The following RAPGEF4 variants were observed in gnomAD, a reference collection of about 807,000 sequenced individuals.
RAPGEF4 encodes the protein Rap guanine nucleotide exchange factor 4.
A neutral mutation model predicts 147.9 loss-of-function variants in RAPGEF4; 66 were observed. The ratio of observed to expected loss-of-function variants is 0.45; its 90% CI spans 0.37 to 0.55. The LOEUF (loss-of-function observed/expected upper bound fraction) is 0.55. RAPGEF4 is among the 20% of genes least tolerant of loss of function. The pLI is 0.00. For missense variants in RAPGEF4, 1,071 were observed against 1,257.3 expected, an observed-to-expected ratio of 0.85 and a Z score of 2.24; for synonymous variants, 419 against 442.7, an observed-to-expected ratio of 0.95 and a Z score of 0.67.
intron 4 of RAPGEF4, among the ~76,000 whole-genome samples, chr2:172,836,274 C>A (rs982983365): frequency 5.9e-5 from 9 of 152,218 alleles, no homozygotes; most frequent in Admixed American, 3.3e-4. Flanking sequence ...ACACCCTCTT[C>A]TGCCTCCACA....
intron 6 of RAPGEF4, among the ~76,000 whole-genome samples, chr2:172,958,087 T>C (rs112024801): frequency 1.3e-3 from 195 of 152,320 alleles, no homozygotes; most frequent in Non-Finnish European, 2.1e-3. Context: ...TCCAGAAGCA[T>C]GGGCATCTTC....
chr2:173,036,327 C>A, intron 28 of RAPGEF4, 115 bp downstream of exon 28: 1 of 854,144 alleles, frequency 1.2e-6, no homozygotes, highest in Non-Finnish European at 1.9e-6. Flanking sequence ...CATCCTTCTG[C>A]CTTCTTTGTC....
rs746535991 is a variant in RAPGEF4, at chr2:173,014,496, A to G, written c.1691A>G (p.Gln564Arg). Residue 564 changes from glutamine to arginine, a missense_variant, in exon 18 of 31, where the codon CAG (glutamine) becomes CGG (arginine). By Grantham distance (43) the Gln-to-Arg change is conservative. Transcript: ENST00000397081. ...GCACAGCCTTCACAAGGTACAGAAC[A>G]GGAGAAAATGGATTATGCCCTCAAC... Reference protein sequence around the residue: ...YHAQPSQGTEQEKMDYALNNK... With the variant: ...YHAQPSQGTEREKMDYALNNK... The G allele has an allele frequency of 2.2e-5, 35 of 1,614,014 alleles. No homozygotes were observed. Among genetic ancestry groups the G allele is most frequent in the Admixed American group, 3.3e-5 (2 of 60,012 alleles).
chr2:172,886,421 G>A (rs1456794019), intron 4 of RAPGEF4, among the ~76,000 whole-genome samples: 1 of 152,192 alleles, frequency 6.6e-6, no homozygotes, highest in Middle Eastern at 3.2e-3. Flanking sequence ...TGTGAACTCT[G>A]AAAGAAGAGT....
At chr2:172,910,817 G>A (rs1700018395) in intron 4 of RAPGEF4, among the ~76,000 whole-genome samples, 1 of 152,180 alleles carries the variant, frequency 6.6e-6, no homozygotes, top group African/African-American at 2.4e-5. Flanking sequence ...GAAGCTGCAA[G>A]GCTTCTTCTG....
At chr2:172,761,120 T>C in intron 1 of RAPGEF4, among the ~76,000 whole-genome samples, 1 of 150,876 alleles carries the variant, frequency 6.6e-6, no homozygotes, top group East Asian at 1.9e-4. Flanking sequence ...TTTTTTTAAT[T>C]TTTTTTTCTT....
Position 172,965,586 on chromosome 2 carries a change from G to T in RAPGEF4, c.723G>T (p.Leu241=), listed in dbSNP as rs1485389006. 6.2e-6 allele frequency: 10 copies of T among 1,613,758 alleles called. No individual in the cohort carries two copies. The highest frequency in any genetic ancestry group is 7.6e-6 in the Non-Finnish European group (9 of 1,179,682). The change falls in exon 9 of 31, where the codon CTG becomes CTT. Residue 241 remains leucine, a synonymous_variant. Transcript: ENST00000397081. The part of the protein sequence containing the change: ...TYRQCCVGTE[L]VDWMMQQTPC... ...GACAATGCTGTGTGGGAACTGAACT[G>T]GTGGACTGGATGATGCAGCAGACAC...
At chr2:172,985,642 T>C in intron 12 of RAPGEF4, 149 bp downstream of exon 12, 1 of 1,420,972 alleles carries the variant, frequency 7.0e-7, no homozygotes, top group Non-Finnish European at 9.4e-7. Context: ...TTCGTTTTTC[T>C]GGACCTGTGA....
At chr2:172,970,450 A>G (rs1042725754) in intron 10 of RAPGEF4, among the ~76,000 whole-genome samples, 3 of 152,200 alleles carry the variant, frequency 2.0e-5, no homozygotes, top group Admixed American at 6.5e-5. Flanking sequence ...CCCAACTTTT[A>G]AACTCAGCAC....
At chr2:172,786,781 C>G (rs1328148723) in intron 1 of RAPGEF4, among the ~76,000 whole-genome samples, 2 of 152,098 alleles carry the variant, frequency 1.3e-5, no homozygotes, top group African/African-American at 2.4e-5. Flanking sequence ...GAGTCTGATG[C>G]AGGAGGATTG....
intron 6 of RAPGEF4, chr2:172,928,395 A>C: frequency 2.9e-6 from 1 of 344,150 alleles, no homozygotes; most frequent in Non-Finnish European, 5.7e-6. Flanking sequence ...CATCCATCTA[A>C]ATGGTAAATA....
At chr2:172,746,999 G>T (rs551755865) in intron 1 of RAPGEF4, among the ~76,000 whole-genome samples, 1 of 152,278 alleles carries the variant, frequency 6.6e-6, no homozygotes, top group Non-Finnish European at 1.5e-5. Context: ...CCTTAGAAAA[G>T]ACTTAATAGT....
At chr2:172,889,988 A>G (rs1197693538) in intron 4 of RAPGEF4, 13 of 264,358 alleles carry the variant, frequency 4.9e-5, no homozygotes, top group East Asian at 1.8e-4. Context: ...GCATGCTTCA[A>G]TATTTTACAG....
At chr2:173,019,215 T>C (rs369176184) in intron 22 of RAPGEF4, among the ~76,000 whole-genome samples, 11 of 152,324 alleles carry the variant, frequency 7.2e-5, no homozygotes, top group African/African-American at 2.6e-4. Flanking sequence ...AAGCTGATGA[T>C]GGTTTTTCTC....
At chr2:172,988,144 T>C in intron 12 of RAPGEF4, 52 bp from the exon 13 acceptor site, 1 of 1,548,042 alleles carries the variant, frequency 6.5e-7, no homozygotes, top group South Asian at 1.3e-5. Context: ...CTGTAATTTA[T>C]ATTGATGTGC....
intron 15 of RAPGEF4, among the ~76,000 whole-genome samples, chr2:172,992,948 G>A (rs1371796420): frequency 6.6e-6 from 1 of 152,136 alleles, no homozygotes; most frequent in Non-Finnish European, 1.5e-5. Context: ...ATATGGGGCT[G>A]ATATTCCGGA....
chr2:172,943,132 G>A (rs1370420622), intron 6 of RAPGEF4, among the ~76,000 whole-genome samples: 5 of 152,094 alleles, frequency 3.3e-5, no homozygotes, highest in East Asian at 1.9e-4. Flanking sequence ...AAACAAAAGC[G>A]TTTGGCATAT....
intron 17 of RAPGEF4, among the ~76,000 whole-genome samples, chr2:173,009,522 A>G (rs924563800): frequency 2.0e-5 from 3 of 152,192 alleles, no homozygotes. Flanking sequence ...AAAATCCAAA[A>G]TGCTCCAAAA....
chr2:173,032,017 C>T (rs1013227881), intron 26 of RAPGEF4, among the ~76,000 whole-genome samples: 3 of 151,918 alleles, frequency 2.0e-5, no homozygotes, highest in Admixed American at 6.6e-5. Context: ...CTAGGGGACA[C>T]GTGTGGAACA....
Sources: allele counts gnomAD v4.1 joint callset (sites outside exome capture counted in the v4.1 genomes callset), GRCh38; gene constraint gnomAD v4.1.1; transcripts MANE v1.5; gene names NCBI Gene and HGNC (gene_info 2026-07-23, HGNC 2026-07-21).